CA12: variants seen among roughly 807,000 people sequenced by gnomAD.
CA12 encodes the protein carbonic anhydrase 12, also known as carbonate dehydratase XII.
A neutral mutation model predicts 46.8 loss-of-function variants in CA12; 36 were observed. That is an observed-to-expected ratio of 0.77 (90% CI 0.59 to 1.02). The LOEUF (loss-of-function observed/expected upper bound fraction) is 1.02. CA12 is among the 50% of genes least tolerant of loss of function. The pLI is 0.00. For missense variants in CA12, 436 were observed against 451.4 expected, an observed-to-expected ratio of 0.97 and a Z score of 0.31; for synonymous variants, 202 against 187.0, an observed-to-expected ratio of 1.08 and a Z score of -0.65.
intron 1 of CA12, 47 bp downstream of exon 1, chr15:63,381,589 G>C: frequency 1.3e-6 from 2 of 1,509,214 alleles, no homozygotes; most frequent in Non-Finnish European, 1.8e-6. Context: ...GCCCAGGGGC[G>C]GCTGAGCGCT....
In CA12 at chr15:63,329,024, A is replaced by G. The variant is rs1375595784; in HGVS notation, c.875-894T>C. 1.3e-5 allele frequency among the ~76,000 whole-genome samples: 2 copies of G among 152,216 alleles called. No homozygotes were observed. Among genetic ancestry groups the G allele is most frequent in the East Asian group, 3.8e-4 (2 of 5,202 alleles). On this transcript the variant is annotated intron_variant, in intron 8 of 10. Transcript: ENST00000178638. The surrounding 1 kb of genome is among the most constrained non-coding windows in gnomAD (Gnocchi z 4.8). ...CCAAGATTTCAGTTTTTAATACAAC[A>G]TGGCCAAAGAGGAAAGATGAAGAAA...
chr15:63,333,526 T>C (rs1408559580), intron 8 of CA12, among the ~76,000 whole-genome samples: 1 of 152,230 alleles, frequency 6.6e-6, no homozygotes, highest in African/African-American at 2.4e-5. Flanking sequence ...AAGGTGGAAA[T>C]GATGCTGGCT....
rs749708872 is a variant in CA12, at chr15:63,329,326, G to A, written c.875-1196C>T. ...AGAAGTCCTCAGTGTGGCTGAACCC[G>A]TGCCCAGCTACCTAAGTCTCACAGT... On this transcript the variant is annotated intron_variant, in intron 8 of 10. Transcript: ENST00000178638. This position sits in a 1 kb window ranked among gnomAD's most constrained non-coding sequence, Gnocchi z 4.8. Among the ~76,000 whole-genome samples the A allele has an allele frequency of 9.9e-5, 15 of 152,114 alleles. No homozygotes were observed. Among genetic ancestry groups the A allele is most frequent in the South Asian group, 2.1e-4 (1 of 4,834 alleles).
At position 63,374,321 on chromosome 15, in the gene CA12, C is replaced by T. The variant is rs1595794025; in HGVS notation, c.106+1337G>A. Among the ~76,000 whole-genome samples, 1 of 152,202 alleles carries T rather than the reference C, an allele frequency of 6.6e-6. No individual in the cohort carries two copies. The highest frequency in any genetic ancestry group is 6.5e-5 in the Admixed American group (1 of 15,286). The stretch of plus-strand genomic sequence containing the variant: ...AGCACCCACTCCCCACTCACCGAAT[C>T]CTCCTTATCTTCCAAGGCCCAGGTG... On this transcript the variant is annotated intron_variant, in intron 2 of 10. Coordinates refer to ENST00000178638, the MANE Select transcript of CA12 (RefSeq NM_001218.5). This position sits in a 1 kb window ranked among gnomAD's most constrained non-coding sequence, Gnocchi z 4.4.
Position 63,339,069 on chromosome 15 carries a change from G to C in CA12, c.748-124C>G. The stretch of plus-strand genomic sequence containing the variant: ...TCTGGAACCAGCTTCTGTGGGGCCG[G>C]GTGGGAGATATTAGAAAGCAGAGGG... On this transcript the variant is annotated intron_variant, in intron 7 of 10. Coordinates refer to ENST00000178638, the MANE Select transcript of CA12 (RefSeq NM_001218.5). The surrounding 1 kb of genome is among the most constrained non-coding windows in gnomAD (Gnocchi z 4.3). 1 of 1,213,414 alleles carries C rather than the reference G, an allele frequency of 8.2e-7. No individual in the cohort carries two copies. The highest frequency in any genetic ancestry group is 1.3e-5 in the South Asian group (1 of 77,326). 75.2% of individuals were successfully genotyped at this position (1,213,414 alleles called of 1,614,324 possible).
chr15:63,374,124 G>C lies in CA12; in HGVS notation c.106+1534C>G, dbSNP rs1336771716. On this transcript the variant is annotated intron_variant, in intron 2 of 10. Coordinates refer to ENST00000178638, the MANE Select transcript of CA12 (RefSeq NM_001218.5). The surrounding 1 kb of genome is among the most constrained non-coding windows in gnomAD (Gnocchi z 4.4). ...CTTACTCCCTGCCCTGCCCCTCCAG[G>C]AGCAGGACAAAGTGGGAAAGGCCTG... is the stretch of plus-strand genomic sequence containing the variant. 1.3e-5 allele frequency among the ~76,000 whole-genome samples: 2 copies of C among 151,950 alleles called. No homozygotes were observed. Among genetic ancestry groups the C allele is most frequent in the Non-Finnish European group, 2.9e-5 (2 of 67,972 alleles).
Position 63,381,694 on chromosome 15 carries a change from C to A in CA12, c.27G>T (p.Ala9=). 2 of 1,608,752 alleles carry A rather than the reference C, an allele frequency of 1.2e-6. No individual in the cohort carries two copies. The highest frequency in any genetic ancestry group is 1.7e-6 in the Non-Finnish European group (2 of 1,177,676). ...TTAAGATCACCAGCAGGAGCACGGCCGCCGCGTGCAGGCTGCGCCGGGGCA... is the reference window on the plus strand; with the variant it reads ...TTAAGATCACCAGCAGGAGCACGGCAGCCGCGTGCAGGCTGCGCCGGGGCA... MPRRSLHA[A]AVLLLVILKE... The change falls in exon 1 of 11, where the codon GCG becomes GCT. Residue 9 remains alanine (A), a synonymous_variant. Transcript: ENST00000178638.
intron 2 of CA12, among the ~76,000 whole-genome samples, chr15:63,359,236 G>A (rs1008323081): frequency 6.6e-6 from 1 of 151,988 alleles, no homozygotes; most frequent in African/African-American, 2.4e-5. Context: ...GGCTGGAAGG[G>A]GACTCAGGCT....
At position 63,381,641 on chromosome 15, in the gene CA12, A is replaced by C; in HGVS notation, c.80T>G (p.Val27Gly). ...GAAGCAGGCGGAAACTTTACCGTTC[A>C]CTGGGGCCGGGCTGGAAGGCTGTTC... ...LKEQPSSPAP[V>G]NGSKWTYFGP... The change falls in exon 1 of 11, where the codon GTG (valine) becomes GGG (glycine). Residue 27 changes from valine to glycine, a missense_variant. Transcript: ENST00000178638. The C allele has an allele frequency of 1.2e-6, 2 of 1,611,022 alleles. No individual in the cohort carries two copies. Among genetic ancestry groups the C allele is most frequent in the Non-Finnish European group, 1.7e-6 (2 of 1,178,618 alleles).
rs1224539590 is a variant in CA12 at position 63,355,498 on chromosome 15, A to G, written c.107-8789T>C. On this transcript the variant is annotated intron_variant, in intron 2 of 10. Transcript: ENST00000178638. This position sits in a 1 kb window ranked among gnomAD's most constrained non-coding sequence, Gnocchi z 4.1. The stretch of plus-strand genomic sequence containing the variant: ...ACCGGACACTCTGGGGGTGGCGCCC[A>G]GCATCTGCCGTTGGACAAGGCTGCC... Among the ~76,000 whole-genome samples the G allele has an allele frequency of 6.6e-6, 1 of 152,200 alleles. No individual in the cohort carries two copies. The highest frequency in any genetic ancestry group is 1.9e-4 in the East Asian group (1 of 5,196).
rs931504378 is a variant in CA12 at position 63,345,787 on chromosome 15, C to T, written c.287-168G>A. Reference sequence around the variant, plus strand: ...GCAGAGATGCAGCCTAAAGGTCAGACACCTGGGCTCTTTCCCTGAGAATGT... The same window carrying T: ...GCAGAGATGCAGCCTAAAGGTCAGATACCTGGGCTCTTTCCCTGAGAATGT... On this transcript the variant is annotated intron_variant, in intron 3 of 10. Transcript: ENST00000178638. The surrounding 1 kb of genome is among the most constrained non-coding windows in gnomAD (Gnocchi z 4.3). Among the ~76,000 whole-genome samples the T allele has an allele frequency of 2.6e-5, 4 of 152,334 alleles. No individual in the cohort carries two copies. The highest frequency in any genetic ancestry group is 5.9e-5 in the Non-Finnish European group (4 of 68,032).
chr15:63,346,484 G>A (rs1483705253), intron 3 of CA12, 46 bp downstream of exon 3: 4 of 1,582,658 alleles, frequency 2.5e-6, no homozygotes, highest in East Asian at 2.2e-5. Context: ...TGGCAGCTGA[G>A]GGAGACTCAG....
chr15:63,367,483 CA>C (rs1248231996), intron 2 of CA12, among the ~76,000 whole-genome samples: 2 of 152,198 alleles, frequency 1.3e-5, no homozygotes, highest in Non-Finnish European at 2.9e-5. Flanking sequence ...TTGCCAATGC[CA>C]GCATGACCTT....
chr15:63,346,144 C>A (rs1487333905), intron 3 of CA12, among the ~76,000 whole-genome samples: 2 of 152,148 alleles, frequency 1.3e-5, no homozygotes, highest in Non-Finnish European at 2.9e-5. Context: ...CGTAAGCAGT[C>A]AAGCCAGAGT....
At chr15:63,379,004 CTGT>C (rs2039611151) in intron 1 of CA12, 1 of 152,286 alleles carries the variant, frequency 6.6e-6, no homozygotes, top group Non-Finnish European at 1.5e-5. Context: ...AAGGTTTTCC[CTGT>C]TGTTGGAGTT....
At chr15:63,335,793 T>C (rs2038995404) in intron 8 of CA12, among the ~76,000 whole-genome samples, 1 of 152,138 alleles carries the variant, frequency 6.6e-6, no homozygotes, top group Admixed American at 6.6e-5. Context: ...AGGTTCACAC[T>C]GACAAAGTCT....
chr15:63,326,280 G>A lies in CA12; in HGVS notation c.*5C>T, dbSNP rs2038865286. On this transcript the variant is annotated 3_prime_UTR_variant, in exon 11 of 11. Transcript: ENST00000178638. ...TCCTGGATGTGCCCGGGAGCTCCGGGGACCTCAAGCGTGGGCCTCAGTCTC... is the reference window on the plus strand; with the variant it reads ...TCCTGGATGTGCCCGGGAGCTCCGGAGACCTCAAGCGTGGGCCTCAGTCTC... 1.9e-6 allele frequency: 3 copies of A among 1,613,356 alleles called. No homozygotes were observed. The highest frequency in any genetic ancestry group is 8.5e-7 in the Non-Finnish European group (1 of 1,179,342).
Position 63,345,357 on chromosome 15 carries a change from G to T in CA12, c.429+120C>A, listed in dbSNP as rs2039131942. 2 of 1,302,026 alleles carry T rather than the reference G, an allele frequency of 1.5e-6. No individual in the cohort carries two copies. Among genetic ancestry groups the T allele is most frequent in the Admixed American group, 1.9e-5 (1 of 51,980 alleles). 80.7% of individuals were successfully genotyped at this position (1,302,026 alleles called of 1,614,324 possible). On this transcript the variant is annotated intron_variant, in intron 4 of 10. Coordinates refer to ENST00000178638, the MANE Select transcript of CA12 (RefSeq NM_001218.5). This position sits in a 1 kb window ranked among gnomAD's most constrained non-coding sequence, Gnocchi z 4.3. ...CCCTTGTGCCAGGGCCAGAGGTGGG[G>T]CAGAGAGCCTGAAGGCAGCCTGTCC...
intron 1 of CA12, among the ~76,000 whole-genome samples, chr15:63,380,159 A>AG (rs1478462614): frequency 6.6e-6 from 1 of 152,218 alleles, no homozygotes; most frequent in African/African-American, 2.4e-5. Context: ...TGCTCTACCC[A>AG]GGGGTAGGCA....
Sources: allele counts gnomAD v4.1 joint callset (sites outside exome capture counted in the v4.1 genomes callset), GRCh38; gene constraint gnomAD v4.1.1; non-coding constraint Gnocchi (gnomAD v3.1); transcripts MANE v1.5; gene names NCBI Gene and HGNC (gene_info 2026-07-23, HGNC 2026-07-21).